Variants in GALNTL6 observed in about 807,000 individuals in gnomAD.
The protein encoded by GALNTL6 is polypeptide N-acetylgalactosaminyltransferase like 6.
In GALNTL6, 46 loss-of-function variants were observed where a neutral mutation model predicts 73.7. The ratio of observed to expected loss-of-function variants is 0.62; its 90% CI spans 0.49 to 0.80. The LOEUF (loss-of-function observed/expected upper bound fraction) is 0.80, where lower values mean the gene tolerates loss of function less well. Ranked by LOEUF, GALNTL6 falls within the 30% of genes least tolerant of loss-of-function variation. The pLI is 0.00. For synonymous variants in GALNTL6, 259 were observed against 263.7 expected, an observed-to-expected ratio of 0.98 and a Z score of 0.17; for missense variants, 604 against 755.0, an observed-to-expected ratio of 0.80 and a Z score of 2.34.
intron 2 of GALNTL6, among the ~76,000 whole-genome samples, chr4:171,924,861 C>A (rs763338676): frequency 1.4e-4 from 21 of 152,134 alleles, no homozygotes; most frequent in Middle Eastern, 3.4e-3. Context: ...CAGGTTGCAC[C>A]CACACTTGGG....
chr4:172,744,225 T>C (rs1736966500), intron 5 of GALNTL6, among the ~76,000 whole-genome samples: 1 of 152,094 alleles, frequency 6.6e-6, no homozygotes, highest in South Asian at 2.1e-4. Context: ...AGCATCCACT[T>C]TGATTGATGG....
At chr4:171,896,633 G>C (rs1007252171) in intron 2 of GALNTL6, among the ~76,000 whole-genome samples, 1 of 152,134 alleles carries the variant, frequency 6.6e-6, no homozygotes, top group Non-Finnish European at 1.5e-5. Flanking sequence ...AGGATAAGAG[G>C]TCTTTCTGTT....
At chr4:172,799,319 G>T (rs114882407) in intron 5 of GALNTL6, among the ~76,000 whole-genome samples, 1 of 152,312 alleles carries the variant, frequency 6.6e-6, no homozygotes, top group African/African-American at 2.4e-5. Context: ...ACTAATCTAT[G>T]CTGCAGTGGG....
At position 173,040,148 on chromosome 4, in the gene GALNTL6, T is replaced by G. The variant is rs768361484; in HGVS notation, c.*48T>G. On this transcript the variant is annotated 3_prime_UTR_variant, in exon 13 of 13. Transcript: ENST00000506823. ...GATTACCTACAGGTTATAAATTAAATTTTAGCCAGCATCTGGGTCGAAGGA... is the reference window on the plus strand; with the variant it reads ...GATTACCTACAGGTTATAAATTAAAGTTTAGCCAGCATCTGGGTCGAAGGA... 1.4e-6 allele frequency: 2 copies of G among 1,439,146 alleles called. No homozygotes were observed. Among genetic ancestry groups the G allele is most frequent in the Admixed American group, 4.0e-5 (2 of 50,412 alleles). The allele number at this position is 1,439,146 out of a possible 1,614,324, so 89.1% of individuals were successfully genotyped here. A position where few individuals can be genotyped will look rare whatever the true frequency, so the allele number is the denominator to read the frequency against.
intron 5 of GALNTL6, among the ~76,000 whole-genome samples, chr4:172,720,100 G>A (rs1343385393): frequency 6.6e-6 from 1 of 151,904 alleles, no homozygotes; most frequent in African/African-American, 2.4e-5. Flanking sequence ...TGCTGACCTC[G>A]TATCTCATCT....
chr4:172,744,873 A>G (rs1579426827), intron 5 of GALNTL6, among the ~76,000 whole-genome samples: 2 of 112,214 alleles, frequency 1.8e-5, no homozygotes, highest in East Asian at 3.2e-4. Context: ...GTGTGTGTGT[A>G]TTTCAGATCA....
chr4:172,076,065 C>A (rs1012714411), intron 2 of GALNTL6, among the ~76,000 whole-genome samples: 4 of 152,116 alleles, frequency 2.6e-5, no homozygotes, highest in African/African-American at 9.7e-5. Flanking sequence ...GATAAAAATG[C>A]ACCTTTGTAA....
intron 5 of GALNTL6, among the ~76,000 whole-genome samples, chr4:172,451,546 G>T (rs1008834012): frequency 5.9e-5 from 9 of 152,182 alleles, no homozygotes; most frequent in African/African-American, 2.2e-4. Context: ...TAGTGAGGAA[G>T]AAAAGAGGTT....
At chr4:171,817,578 CTCTAA>C (rs1169022605) in intron 2 of GALNTL6, among the ~76,000 whole-genome samples, 4 of 151,576 alleles carry the variant, frequency 2.6e-5, no homozygotes, top group Non-Finnish European at 5.9e-5. Flanking sequence ...CACTTTTTTT[CTCTAA>C]TCTACTGTCT....
At chr4:172,743,869 T>C (rs534256664) in intron 5 of GALNTL6, among the ~76,000 whole-genome samples, 1 of 151,072 alleles carries the variant, frequency 6.6e-6, no homozygotes, top group South Asian at 2.1e-4. Flanking sequence ...TCCTCCAAGA[T>C]CCATCTATCT....
At chr4:172,104,190 G>T (rs1019323379) in intron 2 of GALNTL6, among the ~76,000 whole-genome samples, 2 of 152,080 alleles carry the variant, frequency 1.3e-5, no homozygotes, top group Non-Finnish European at 2.9e-5. Context: ...TGATCCGCCC[G>T]CCTCGGCCTC....
chr4:172,341,512 A>C (rs1212982375), intron 4 of GALNTL6, among the ~76,000 whole-genome samples: 1 of 151,012 alleles, frequency 6.6e-6, no homozygotes, highest in African/African-American at 2.4e-5. Flanking sequence ...GTTTGGCTCT[A>C]TGTCCCCACC....
intron 2 of GALNTL6, among the ~76,000 whole-genome samples, chr4:171,941,433 A>C (rs1262598589): frequency 2.6e-5 from 4 of 152,254 alleles, no homozygotes; most frequent in African/African-American, 9.6e-5. Flanking sequence ...CTTGATGCCC[A>C]GTGAATTTTA....
chr4:172,041,642 T>C lies in GALNTL6; in HGVS notation c.139-188014T>C, dbSNP rs375485176. Among the ~76,000 whole-genome samples, 12 of 152,206 alleles carry C rather than the reference T, an allele frequency of 7.9e-5. No individual in the cohort carries two copies. In the South Asian group the frequency reaches 1.2e-3, roughly 16 times the overall value. ...ACTATAATTGCCTACATTAGAACTA[T>C]TTCATTAAATAAACACATTGATTAC... On this transcript the variant is annotated intron_variant, in intron 2 of 12. Transcript: ENST00000506823.
At chr4:171,917,394 A>G (rs981758086) in intron 2 of GALNTL6, among the ~76,000 whole-genome samples, 1 of 152,108 alleles carries the variant, frequency 6.6e-6, no homozygotes, top group Admixed American at 6.6e-5. Context: ...CTAAGGCTCC[A>G]TAAGAAGCCT....
intron 7 of GALNTL6, among the ~76,000 whole-genome samples, chr4:172,828,775 C>T (rs757346116): frequency 3.3e-5 from 5 of 152,138 alleles, no homozygotes; most frequent in African/African-American, 9.7e-5. Flanking sequence ...CTAAAGTCCA[C>T]GCTGGCAATC....
chr4:171,973,101 T>C (rs1739619369), intron 2 of GALNTL6, among the ~76,000 whole-genome samples: 1 of 152,182 alleles, frequency 6.6e-6, no homozygotes, highest in Non-Finnish European at 1.5e-5. Context: ...CACACACTTC[T>C]ATGAAGCTGA....
intron 2 of GALNTL6, among the ~76,000 whole-genome samples, chr4:172,029,847 T>C (rs1741711608): frequency 6.6e-6 from 1 of 152,082 alleles, no homozygotes; most frequent in Non-Finnish European, 1.5e-5. Flanking sequence ...TTTTATAGAA[T>C]TAATATTTGT....
At chr4:172,103,538 A>G (rs1732583203) in intron 2 of GALNTL6, among the ~76,000 whole-genome samples, 1 of 152,162 alleles carries the variant, frequency 6.6e-6, no homozygotes, top group African/African-American at 2.4e-5. Flanking sequence ...AATAAATCCT[A>G]TTACAGCAAT....
Sources: gnomAD v4.1 joint callset for allele counts (sites outside exome capture counted in the v4.1 genomes callset) on GRCh38, gnomAD v4.1.1 for gene constraint, MANE v1.5 for transcripts, NCBI Gene and HGNC (gene_info 2026-07-23, HGNC 2026-07-21) for gene names.